The following NEDD9 variants were observed in gnomAD, a reference collection of about 807,000 sequenced individuals.
NEDD9 encodes neural precursor cell expressed, developmentally down-regulated 9.
A neutral mutation model predicts 76.6 loss-of-function variants in NEDD9; 26 were observed. The ratio of observed to expected loss-of-function variants is 0.34; its 90% CI spans 0.25 to 0.47. The LOEUF (loss-of-function observed/expected upper bound fraction) is 0.47. Among genes scored for constraint, NEDD9 ranks in the 20% least tolerant of loss-of-function variants. NEDD9 has a pLI of 1.00. For synonymous variants in NEDD9, 392 were observed against 414.2 expected (o/e 0.95, Z 0.65); for missense variants, 937 against 1,058.5 (o/e 0.89, Z 1.59).
chr6:11,230,125 C>T (rs188889309), intron 1 of NEDD9, among the ~76,000 whole-genome samples: 12 of 152,260 alleles, frequency 7.9e-5, no homozygotes, highest in South Asian at 2.1e-4. Context: ...CTAAGTGGCT[C>T]GAATTAAACA....
intron 1 of NEDD9, among the ~76,000 whole-genome samples, chr6:11,367,127 T>C (rs1232368738): frequency 6.6e-6 from 1 of 152,222 alleles, no homozygotes; most frequent in Non-Finnish European, 1.5e-5. Context: ...GTGGACTCTA[T>C]GATTGGTCAA....
At chr6:11,255,213 C>A (rs1040569388) in intron 3 of NEDD9, among the ~76,000 whole-genome samples, 3 of 152,184 alleles carry the variant, frequency 2.0e-5, no homozygotes, top group Non-Finnish European at 4.4e-5. Context: ...AACAGCTAAC[C>A]ATGCTGAGAG....
At chr6:11,201,047 C>T in intron 2 of NEDD9, 3 of 1,614,230 alleles carry the variant, frequency 1.9e-6, no homozygotes, top group Non-Finnish European at 2.5e-6. Flanking sequence ...TCTGGAACAC[C>T]TAGAGACAAA....
At chr6:11,211,161 G>C (rs187035079) in intron 2 of NEDD9, among the ~76,000 whole-genome samples, 44 of 152,280 alleles carry the variant, frequency 2.9e-4, no homozygotes, top group African/African-American at 7.7e-4. Flanking sequence ...CTTAAAAAAA[G>C]CAAAACAAAA....
intron 1 of NEDD9, among the ~76,000 whole-genome samples, chr6:11,381,645 T>C (rs1763065250): frequency 6.6e-6 from 1 of 152,182 alleles, no homozygotes; most frequent in Non-Finnish European, 1.5e-5. Flanking sequence ...TCCTAATGAC[T>C]ACAGGGATAG....
At chr6:11,245,208 A>G (rs1346735905) in intron 3 of NEDD9, among the ~76,000 whole-genome samples, 4 of 152,212 alleles carry the variant, frequency 2.6e-5, no homozygotes, top group African/African-American at 9.6e-5. Flanking sequence ...GGCTGCTATG[A>G]TGGCAGAAAT....
chr6:11,327,300 T>C (rs1290479444), intron 2 of NEDD9, among the ~76,000 whole-genome samples: 1 of 152,208 alleles, frequency 6.6e-6, no homozygotes, highest in Non-Finnish European at 1.5e-5. Context: ...ATCATATCAA[T>C]TAGGTACTGA....
intron 3 of NEDD9, among the ~76,000 whole-genome samples, chr6:11,300,351 T>C (rs1458591876): frequency 2.0e-5 from 3 of 152,104 alleles, no homozygotes; most frequent in Non-Finnish European, 2.9e-5. Context: ...CTCCAGGAAA[T>C]ATAAGACTAT....
chr6:11,223,828 A>G (rs1280003520), intron 1 of NEDD9, among the ~76,000 whole-genome samples: 1 of 152,210 alleles, frequency 6.6e-6, no homozygotes, highest in African/African-American at 2.4e-5. Flanking sequence ...AAGGAAAGAG[A>G]GCACCTTGTT....
intron 1 of NEDD9, among the ~76,000 whole-genome samples, chr6:11,345,932 C>T (rs1399108052): frequency 2.0e-5 from 3 of 152,238 alleles, no homozygotes; most frequent in African/African-American, 7.2e-5. Flanking sequence ...AACACAACTT[C>T]TGCACCTGCT....
chr6:11,259,318 G>T (rs1254243433), intron 3 of NEDD9, among the ~76,000 whole-genome samples: 1 of 152,166 alleles, frequency 6.6e-6, no homozygotes, highest in Non-Finnish European at 1.5e-5. Context: ...AACCTGGAAG[G>T]GGGCAGCAAG....
At chr6:11,200,536 A>G (rs1212476862) in intron 2 of NEDD9, 1 of 1,095,598 alleles carries the variant, frequency 9.1e-7, no homozygotes, top group Non-Finnish European at 1.1e-6. Flanking sequence ...TAAGAATGTT[A>G]TGTATGTCTT....
rs1033165476 is a variant in NEDD9, at chr6:11,313,565, T to A, written c.-152-7410A>T. ...GTGGATGGATGGATAGATGGGTGGA[T>A]AGATGAATAGATGGATGGGTGGGTG... On this transcript the variant is annotated intron_variant, in intron 2 of 3. Coordinates refer to the NEDD9 transcript ENST00000397378. Among the ~76,000 whole-genome samples the A allele has an allele frequency of 3.4e-5, 5 of 149,184 alleles. No homozygotes were observed. In the East Asian group the frequency reaches 9.8e-4, roughly 29 times the overall value.
At chr6:11,273,318 A>T (rs558003676) in intron 3 of NEDD9, among the ~76,000 whole-genome samples, 2 of 152,376 alleles carry the variant, frequency 1.3e-5, no homozygotes, top group Non-Finnish European at 1.5e-5. Context: ...AGTTGAGATT[A>T]AAAAAATTAT....
At chr6:11,202,208 G>A (rs976578565) in intron 2 of NEDD9, among the ~76,000 whole-genome samples, 1 of 152,110 alleles carries the variant, frequency 6.6e-6, no homozygotes, top group African/African-American at 2.4e-5. Flanking sequence ...AGTAAAATTT[G>A]ACTGCTTCCT....
At chr6:11,248,310 T>C (rs555962369) in intron 3 of NEDD9, among the ~76,000 whole-genome samples, 1 of 152,242 alleles carries the variant, frequency 6.6e-6, no homozygotes, top group Non-Finnish European at 1.5e-5. Context: ...CTCTTCTCCG[T>C]AATGGTGAAT....
chr6:11,298,109 T>C (rs1202722010), intron 3 of NEDD9, among the ~76,000 whole-genome samples: 1 of 152,116 alleles, frequency 6.6e-6, no homozygotes, highest in Non-Finnish European at 1.5e-5. Flanking sequence ...GGTTTCACTC[T>C]GTTGGTCAGG....
At chr6:11,309,017 C>T (rs948314097) in intron 2 of NEDD9, among the ~76,000 whole-genome samples, 5 of 152,202 alleles carry the variant, frequency 3.3e-5, no homozygotes, top group African/African-American at 4.8e-5. Flanking sequence ...TGTCTGTTAA[C>T]GGTGGGCCTG....
At chr6:11,319,903 C>G (rs989839002) in intron 2 of NEDD9, among the ~76,000 whole-genome samples, 1 of 152,220 alleles carries the variant, frequency 6.6e-6, no homozygotes, top group Non-Finnish European at 1.5e-5. Flanking sequence ...AAGTCTGTCT[C>G]CAACTGTGAA....
Sources: allele counts gnomAD v4.1 joint callset (sites outside exome capture counted in the v4.1 genomes callset), GRCh38; gene constraint gnomAD v4.1.1; transcripts MANE v1.5; gene names NCBI Gene and HGNC (gene_info 2026-07-23, HGNC 2026-07-21).